The following DENND1A variants were observed in gnomAD, a reference collection of about 807,000 sequenced individuals.
DENND1A encodes the protein DENN domain containing 1A.
A neutral mutation model predicts 113.7 loss-of-function variants in DENND1A; 51 were observed. That is an observed-to-expected ratio of 0.45 (90% confidence interval 0.36 to 0.57). The LOEUF (loss-of-function observed/expected upper bound fraction) is 0.57. DENND1A is among the 20% of genes least tolerant of loss of function. The pLI, the probability that DENND1A is intolerant of heterozygous loss-of-function variation, is 0.00. For synonymous variants in DENND1A, 565 were observed against 570.8 expected (o/e 0.99, Z 0.14); for missense variants, 1,258 against 1,395.9 (o/e 0.90, Z 1.57).
intron 13 of DENND1A, among the ~76,000 whole-genome samples, chr9:123,508,893 G>A (rs1343953640): frequency 1.3e-5 from 2 of 152,148 alleles, no homozygotes; most frequent in African/African-American, 2.4e-5. Flanking sequence ...GAGTACCCCC[G>A]GCTGTGTCCT....
At chr9:123,888,959 T>C (rs1192102636) in intron 1 of DENND1A, among the ~76,000 whole-genome samples, 3 of 19,316 alleles carry the variant, frequency 1.6e-4, no homozygotes, top group African/African-American at 2.5e-4. Flanking sequence ...CTTTAAACTG[T>C]GTGTGTGTGT....
chr9:123,614,257 C>T (rs1393833043), intron 10 of DENND1A, among the ~76,000 whole-genome samples: 1 of 152,204 alleles, frequency 6.6e-6, no homozygotes, highest in African/African-American at 2.4e-5. Context: ...TGAGGTCACA[C>T]AGCACATACT....
At chr9:123,384,974 A>T (rs2042480586) in intron 22 of DENND1A, among the ~76,000 whole-genome samples, 1 of 151,348 alleles carries the variant, frequency 6.6e-6, no homozygotes, top group Admixed American at 6.6e-5. Context: ...AAACAAAACA[A>T]AACAAAAAAA....
chr9:123,390,877 C>T (rs570275433), intron 21 of DENND1A, among the ~76,000 whole-genome samples: 14 of 152,384 alleles, frequency 9.2e-5, no homozygotes, highest in Non-Finnish European at 1.6e-4. Context: ...CGACACCTAT[C>T]CAAGCACGGG....
At chr9:123,711,522 T>C (rs913595707) in intron 5 of DENND1A, among the ~76,000 whole-genome samples, 20 of 142,880 alleles carry the variant, frequency 1.4e-4, no homozygotes, top group African/African-American at 1.6e-4. Flanking sequence ...TGTATATATA[T>C]ATATATATAT....
intron 21 of DENND1A, 82 bp downstream of exon 21, chr9:123,403,320 G>A (rs140026734): frequency 2.8e-6 from 4 of 1,445,614 alleles, no homozygotes; most frequent in Non-Finnish European, 3.8e-6. Context: ...CAAAGGCCGG[G>A]GCTACACGCT....
intron 2 of DENND1A, among the ~76,000 whole-genome samples, chr9:123,857,151 C>T (rs968640585): frequency 6.6e-6 from 1 of 151,416 alleles, no homozygotes; most frequent in Non-Finnish European, 1.5e-5. Context: ...CAAAAGGAAC[C>T]TTGGGAAAAT....
chr9:123,784,351 G>T (rs72757135), intron 3 of DENND1A, among the ~76,000 whole-genome samples: 1 of 152,178 alleles, frequency 6.6e-6, no homozygotes, highest in Middle Eastern at 3.2e-3. Context: ...TGATTGTAGC[G>T]TCACTGGCTT....
intron 8 of DENND1A, among the ~76,000 whole-genome samples, chr9:123,664,572 T>C (rs913406937): frequency 3.9e-5 from 6 of 152,100 alleles, no homozygotes; most frequent in Non-Finnish European, 7.4e-5. Context: ...TATAAAAGCA[T>C]TCAAAGCTAT....
At chr9:123,613,911 A>G (rs972058944) in intron 10 of DENND1A, among the ~76,000 whole-genome samples, 1 of 152,312 alleles carries the variant, frequency 6.6e-6, no homozygotes, top group Non-Finnish European at 1.5e-5. Flanking sequence ...CGTGAGAGTA[A>G]AAGTGACTCT....
chr9:123,875,903 C>G (rs1029515694), intron 2 of DENND1A, among the ~76,000 whole-genome samples: 1 of 152,200 alleles, frequency 6.6e-6, no homozygotes, highest in African/African-American at 2.4e-5. Context: ...CAGGCCAAGG[C>G]AGGGGTCCCT....
intron 19 of DENND1A, chr9:123,414,444 T>A: frequency 6.8e-7 from 1 of 1,475,700 alleles, no homozygotes; most frequent in South Asian, 1.4e-5. Context: ...ATCATCTCAG[T>A]GGAAGGCCGG....
At chr9:123,416,217 C>T (rs1051491011) in intron 19 of DENND1A, among the ~76,000 whole-genome samples, 1 of 152,196 alleles carries the variant, frequency 6.6e-6, no homozygotes, top group African/African-American at 2.4e-5. Context: ...CCCCAGCCCA[C>T]AGCCCAGGGC....
At chr9:123,802,355 T>C (rs1007020486) in intron 2 of DENND1A, among the ~76,000 whole-genome samples, 1 of 152,066 alleles carries the variant, frequency 6.6e-6, no homozygotes, top group African/African-American at 2.4e-5. Flanking sequence ...GATTTTAACC[T>C]CTGGTCACCA....
chr9:123,540,345 GA>G (rs1184879870), intron 13 of DENND1A, among the ~76,000 whole-genome samples: 3 of 152,182 alleles, frequency 2.0e-5, no homozygotes, highest in African/African-American at 7.2e-5. Flanking sequence ...TACAGAAATA[GA>G]AAAGTGGTAC....
At chr9:123,805,615 T>C (rs1453905905) in intron 2 of DENND1A, among the ~76,000 whole-genome samples, 1 of 151,606 alleles carries the variant, frequency 6.6e-6, no homozygotes, top group African/African-American at 2.4e-5. Context: ...TGAATTATTA[T>C]TAGAGTCGGG....
At chr9:123,885,056 C>A (rs117516723) in intron 1 of DENND1A, among the ~76,000 whole-genome samples, 1 of 151,808 alleles carries the variant, frequency 6.6e-6, no homozygotes, top group Non-Finnish European at 1.5e-5. Context: ...CACACACACA[C>A]ACAGACGCAC....
chr9:123,439,068 G>A (rs993675265), intron 19 of DENND1A, among the ~76,000 whole-genome samples: 1 of 152,208 alleles, frequency 6.6e-6, no homozygotes, highest in African/African-American at 2.4e-5. Flanking sequence ...GACAACCAGG[G>A]GCTGTGCTTT....
intron 12 of DENND1A, among the ~76,000 whole-genome samples, chr9:123,558,152 A>G (rs1379311831): frequency 1.3e-5 from 2 of 152,352 alleles, no homozygotes; most frequent in Non-Finnish European, 2.9e-5. Context: ...TATTTTAACA[A>G]TCCGGTGAGG....
Sources: gnomAD v4.1 joint callset for allele counts (sites outside exome capture counted in the v4.1 genomes callset) on GRCh38, gnomAD v4.1.1 for gene constraint, MANE v1.5 for transcripts, NCBI Gene and HGNC (gene_info 2026-07-23, HGNC 2026-07-21) for gene names.